The following GPR158 variants were observed in gnomAD, a reference collection of about 807,000 sequenced individuals.
GPR158 encodes the protein metabotropic glycine receptor.
GPR158 carries 30 observed loss-of-function variants against 78.2 expected under a neutral mutation model. The ratio of observed to expected loss-of-function variants is 0.38; its 90% CI spans 0.29 to 0.52. The LOEUF (loss-of-function observed/expected upper bound fraction) is 0.52. GPR158 is among the 20% of genes least tolerant of loss of function. The pLI, the probability that GPR158 is intolerant of heterozygous loss-of-function variation, is 0.83. For missense variants in GPR158, 1,463 were observed against 1,523.5 expected, an observed-to-expected ratio of 0.96 and a Z score of 0.66; for synonymous variants, 581 against 591.1, an observed-to-expected ratio of 0.98 and a Z score of 0.25.
At chr10:25,581,892 T>C (rs943587342) in intron 7 of GPR158, among the ~76,000 whole-genome samples, 3 of 152,056 alleles carry the variant, frequency 2.0e-5, no homozygotes, top group African/African-American at 7.2e-5. Context: ...GGTAATTTAC[T>C]TAAAAAAAAA....
At chr10:25,512,599 C>T (rs927904540) in intron 5 of GPR158, among the ~76,000 whole-genome samples, 1 of 152,086 alleles carries the variant, frequency 6.6e-6, no homozygotes, top group African/African-American at 2.4e-5. Flanking sequence ...TCAGCCTTGT[C>T]TTGTGTTCCA....
At chr10:25,342,790 T>TC (rs1452511905) in intron 2 of GPR158, among the ~76,000 whole-genome samples, 35 of 151,228 alleles carry the variant, frequency 2.3e-4, no homozygotes, top group African/African-American at 8.0e-4. Flanking sequence ...TTTTTTTTTT[T>TC]CTCAAATAAC....
In GPR158 at chr10:25,238,451, CACA is replaced by C. The variant is rs1271720847; in HGVS notation, c.1008+17298_1008+17300del. On this transcript the variant is annotated intron_variant, in intron 2 of 10. Coordinates refer to ENST00000376351, the MANE Select transcript of GPR158 (RefSeq NM_020752.3). ...ATTCATAATTTAATGTATCTGGAAT[CACA>C]ACATCTTTTATATACATTTGAAAAA... Among the ~76,000 whole-genome samples, 12 of 152,238 alleles carry C rather than the reference CACA, an allele frequency of 7.9e-5. 4 individuals are homozygous for C. The highest frequency in any genetic ancestry group is 7.9e-4 in the Admixed American group (12 of 15,282).
intron 2 of GPR158, among the ~76,000 whole-genome samples, chr10:25,362,672 AG>A (rs1458724950): frequency 6.6e-6 from 1 of 151,898 alleles, no homozygotes; most frequent in Non-Finnish European, 1.5e-5. Context: ...TTCCTTGATT[AG>A]GTTTATTCCT....
intron 5 of GPR158, among the ~76,000 whole-genome samples, chr10:25,482,846 G>T (rs746749735): frequency 6.6e-6 from 1 of 152,022 alleles, no homozygotes; most frequent in Non-Finnish European, 1.5e-5. Flanking sequence ...CTTCCAGCAA[G>T]TTCCCCAATT....
At chr10:25,566,421 C>G (rs1402949738) in intron 6 of GPR158, among the ~76,000 whole-genome samples, 2 of 152,162 alleles carry the variant, frequency 1.3e-5, no homozygotes, top group African/African-American at 4.8e-5. Flanking sequence ...CCCTACTCAA[C>G]CCAGGAAGCC....
At chr10:25,353,753 A>T (rs1017144083) in intron 2 of GPR158, among the ~76,000 whole-genome samples, 1 of 152,058 alleles carries the variant, frequency 6.6e-6, no homozygotes, top group Admixed American at 6.6e-5. Context: ...GTGTCTTTAT[A>T]GAATTGGGTT....
At position 25,466,724 on chromosome 10, in the gene GPR158, G is replaced by A; in HGVS notation, c.1404+5G>A. 1 of 1,556,630 alleles carries A rather than the reference G, an allele frequency of 6.4e-7. No individual in the cohort carries two copies. The highest frequency in any genetic ancestry group is 8.8e-7 in the Non-Finnish European group (1 of 1,139,094). On this transcript the variant is annotated splice_donor_5th_base_variant and intron_variant, in intron 5 of 10. Coordinates refer to ENST00000376351, the MANE Select transcript of GPR158 (RefSeq NM_020752.3). Reference sequence around the variant, plus strand: ...TCTCTGCTCCTATACTTTCCAGTAAGTAACAGAATTTTGTTTTTAAAGTAG... The same window carrying A: ...TCTCTGCTCCTATACTTTCCAGTAAATAACAGAATTTTGTTTTTAAAGTAG...
chr10:25,281,920 A>T (rs1271197533), intron 2 of GPR158, among the ~76,000 whole-genome samples: 1 of 152,216 alleles, frequency 6.6e-6, no homozygotes, highest in Non-Finnish European at 1.5e-5. Flanking sequence ...ATAGAAATAT[A>T]ATCTCAATAG....
At chr10:25,299,624 TCATC>T (rs750465205) in intron 2 of GPR158, among the ~76,000 whole-genome samples, 1 of 152,228 alleles carries the variant, frequency 6.6e-6, no homozygotes. Context: ...CACATTTTCT[TCATC>T]CATTCATCTT....
chr10:25,272,622 A>G (rs1854132003), intron 2 of GPR158, among the ~76,000 whole-genome samples: 1 of 152,170 alleles, frequency 6.6e-6, no homozygotes, highest in Non-Finnish European at 1.5e-5. Context: ...ATAAAAATGG[A>G]TTGCTTCTCC....
intron 5 of GPR158, among the ~76,000 whole-genome samples, chr10:25,495,008 A>G (rs2130651495): frequency 6.6e-6 from 1 of 152,208 alleles, no homozygotes; most frequent in East Asian, 1.9e-4. Context: ...GACAAATTTA[A>G]TATGTAGTAA....
intron 2 of GPR158, among the ~76,000 whole-genome samples, chr10:25,316,907 GTGTTTA>G (rs199619123): frequency 0.075 from 7,629 of 101,058 alleles, 618 homozygotes; most frequent in African/African-American, 0.3. Context: ...GTGTGTGTGT[GTGTTTA>G]TGTGTGTGTG....
chr10:25,359,628 C>T (rs1031444619), intron 2 of GPR158, among the ~76,000 whole-genome samples: 4 of 152,096 alleles, frequency 2.6e-5, no homozygotes, highest in African/African-American at 7.2e-5. Flanking sequence ...GTGGTATATA[C>T]GTGCCACGTT....
At position 25,175,385 on chromosome 10, in the gene GPR158, C is replaced by A; in HGVS notation, c.-36C>A. 1 of 1,292,462 alleles carries A rather than the reference C, an allele frequency of 7.7e-7. No homozygotes were observed. The highest frequency in any genetic ancestry group is 1.1e-6 in the Non-Finnish European group (1 of 931,528). The allele number at this position is 1,292,462 out of a possible 1,614,324, so 80.1% of individuals were successfully genotyped here. A position where few individuals can be genotyped will look rare whatever the true frequency, so the allele number is the denominator to read the frequency against. On this transcript the variant is annotated 5_prime_UTR_variant, in exon 1 of 11. Transcript: ENST00000376351. This position sits in a 1 kb window ranked among gnomAD's most constrained non-coding sequence, Gnocchi z 6.4. Reference sequence around the variant, plus strand: ...ATCCAAATTTAAAAAGTGATTCCCCCCCCTCCCGTTCCCTCCTCTTCTCTC... The same window carrying A: ...ATCCAAATTTAAAAAGTGATTCCCCACCCTCCCGTTCCCTCCTCTTCTCTC...
At chr10:25,594,966 A>T (rs766649474) in intron 9 of GPR158, among the ~76,000 whole-genome samples, 1 of 152,082 alleles carries the variant, frequency 6.6e-6, no homozygotes, top group African/African-American at 2.4e-5. Context: ...AGGACTTTTG[A>T]TTTTTTGTGT....
intron 1 of GPR158, among the ~76,000 whole-genome samples, chr10:25,202,250 A>G (rs185623517): frequency 6.6e-6 from 1 of 151,836 alleles, no homozygotes; most frequent in East Asian, 1.9e-4. Flanking sequence ...GTCTCTAGGA[A>G]TTTATCCATT....
intron 5 of GPR158, among the ~76,000 whole-genome samples, chr10:25,499,050 GAAGGGCAGAAACATCTCAGTTC>G (rs1835920258): frequency 6.6e-6 from 1 of 152,164 alleles, no homozygotes; most frequent in Non-Finnish European, 1.5e-5. Context: ...GGTTAAGTGG[GAAGGGCAGAAACATCTCAGTTC>G]TGTGAAATTA....
chr10:25,175,638 A>G lies in GPR158; in HGVS notation c.218A>G (p.Lys73Arg). The change falls in exon 1 of 11, where the codon AAA becomes AGA. Residue 73 changes from lysine to arginine, a missense_variant. Coordinates refer to ENST00000376351, the MANE Select transcript of GPR158 (RefSeq NM_020752.3). This position sits in a 1 kb window ranked among gnomAD's most constrained non-coding sequence, Gnocchi z 6.4. ...ACCGATGGCACCATCTTGGCGCAGA[A>G]ACTCGCCGAGGAGGTGCCCATGGAC... ...RSTDGTILAQ[K>R]LAEEVPMDVA... 6.2e-7 allele frequency: 1 copy of G among 1,611,280 alleles called. No homozygotes were observed. Among genetic ancestry groups the G allele is most frequent in the Non-Finnish European group, 8.5e-7 (1 of 1,179,942 alleles).
Sources: allele counts gnomAD v4.1 joint callset (sites outside exome capture counted in the v4.1 genomes callset), GRCh38; gene constraint gnomAD v4.1.1; non-coding constraint Gnocchi (gnomAD v3.1); transcripts MANE v1.5; gene names NCBI Gene and HGNC (gene_info 2026-07-23, HGNC 2026-07-21).